Variants in MED12L observed in about 807,000 individuals in gnomAD.
The protein encoded by MED12L is mediator complex subunit 12L.
MED12L carries 60 observed loss-of-function variants against 281.3 expected under a neutral mutation model. That is an observed-to-expected ratio of 0.21 (90% CI 0.17 to 0.26). The LOEUF is 0.26. Ranked by LOEUF, MED12L falls within the 10% of genes least tolerant of loss-of-function variation. MED12L has a pLI of 1.00. For synonymous variants in MED12L, 974 were observed against 987.2 expected (o/e 0.99, Z 0.25); for missense variants, 2,146 against 2,680.9 (o/e 0.80, Z 4.41).
chr3:151,339,260 C>T (rs186282292), intron 16 of MED12L, among the ~76,000 whole-genome samples: 209 of 152,156 alleles, frequency 1.4e-3, no homozygotes, highest in African/African-American at 4.8e-3. Context: ...TTCACAGTCA[C>T]TTTTCCCCCC....
At chr3:151,318,732 TA>T (rs1046227526) in intron 16 of MED12L, among the ~76,000 whole-genome samples, 2 of 151,884 alleles carry the variant, frequency 1.3e-5, no homozygotes, top group African/African-American at 2.4e-5. Context: ...AAAGACCTTT[TA>T]AAAAAAAGAG....
Position 151,307,404 on chromosome 3 carries a change from C to G in MED12L, c.2251-42655C>G, listed in dbSNP as rs1416747769. Among the ~76,000 whole-genome samples the G allele has an allele frequency of 2.6e-5, 4 of 152,142 alleles. No individual in the cohort carries two copies. In the East Asian group the frequency reaches 7.7e-4, roughly 29 times the overall value. On this transcript the variant is annotated intron_variant, in intron 16 of 44. Transcript: ENST00000687756. ...ATGCAAAGCACAGCAGCCCTTCATT[C>G]AGGTTTTTCAGGTGCTACACTGATG...
intron 16 of MED12L, among the ~76,000 whole-genome samples, chr3:151,210,452 A>G (rs1559880553): frequency 6.6e-6 from 1 of 152,250 alleles, no homozygotes; most frequent in African/African-American, 2.4e-5. Context: ...CTCAGTGGGT[A>G]GATGTCAGTG....
At chr3:151,271,466 G>A (rs1219961139) in intron 16 of MED12L, among the ~76,000 whole-genome samples, 6 of 152,178 alleles carry the variant, frequency 3.9e-5, no homozygotes, top group Non-Finnish European at 7.4e-5. Context: ...AGTTAAACAT[G>A]TTGCTTCCTT....
chr3:151,146,403 A>G (rs903652059), intron 5 of MED12L, among the ~76,000 whole-genome samples: 5 of 152,174 alleles, frequency 3.3e-5, no homozygotes, highest in African/African-American at 1.2e-4. Flanking sequence ...TCAGGGTACA[A>G]TGGAGCACTT....
rs1447590515 is a variant in MED12L, at chr3:151,368,151, T to A, written c.3450T>A (p.Ala1150=). Residue 1150 remains alanine, a splice_region_variant and synonymous_variant, in exon 25 of 45, where the codon GCT becomes GCA. Transcript: ENST00000687756. ...GCTTTTCCAATCCCCCTTTCCTAGC[T>A]TGTGGGGATGCGGACGCCGAGCCTG... is the stretch of plus-strand genomic sequence containing the variant. ...HVALPSLLAA[A]CGDADAEPGA... is the part of the protein sequence containing the mutation. 6.2e-7 allele frequency: 1 copy of A among 1,613,638 alleles called. No homozygotes were observed. Among genetic ancestry groups the A allele is most frequent in the East Asian group, 2.2e-5 (1 of 44,884 alleles).
intron 39 of MED12L, among the ~76,000 whole-genome samples, chr3:151,402,848 G>A (rs567020791): frequency 7.9e-5 from 12 of 152,078 alleles, no homozygotes; most frequent in Non-Finnish European, 1.5e-4. Context: ...TAGTTCATAT[G>A]TATTTTGGCT....
chr3:151,127,927 T>C lies in MED12L; in HGVS notation c.499T>C (p.Tyr167His), dbSNP rs2148802688. ...TWLIKMTCAY[Y>H]SAISEAKIKK... ...GCTGATCAAGATGACTTGTGCCTAT[T>C]ATTCTGCTATATCTGAAGCTAAAAT... The change falls in exon 5 of 45, where the codon TAT becomes CAT. Residue 167 changes from tyrosine (Y) to histidine (H), a missense_variant. By Grantham distance (83) the Tyr-to-His change is moderately conservative. Coordinates refer to ENST00000687756, the MANE Select transcript of MED12L (RefSeq NM_001393769.1). The C allele has an allele frequency of 6.2e-7, 1 of 1,614,186 alleles. No homozygotes were observed. The highest frequency in any genetic ancestry group is 8.5e-7 in the Non-Finnish European group (1 of 1,179,998).
intron 4 of MED12L, among the ~76,000 whole-genome samples, chr3:151,126,827 A>G (rs904747602): frequency 3.3e-5 from 5 of 152,188 alleles, no homozygotes; most frequent in African/African-American, 1.2e-4. Context: ...CTTTATCCTT[A>G]TAACTACCCT....
chr3:151,327,747 AAAG>A (rs1261231565), intron 16 of MED12L: 23 of 336,500 alleles, frequency 6.8e-5, no homozygotes, highest in East Asian at 1.4e-4. Context: ...AAAAAAAAAA[AAAG>A]AAAGAAAGAA....
chr3:151,385,113 C>G lies in MED12L; in HGVS notation c.5010C>G (p.Ile1670Met), dbSNP rs749005824. The G allele has an allele frequency of 1.2e-6, 2 of 1,612,130 alleles. No individual in the cohort carries two copies. Among genetic ancestry groups the G allele is most frequent in the South Asian group, 1.1e-5 (1 of 90,728 alleles). ...TGCCGAAACAGACATGTGATGTCAT[C>G]ACTTGTGAACCTATGGGTTCCTTGA... ...LPLPKQTCDV[I>M]TCEPMGSLID... The change falls in exon 36 of 45, where the codon ATC (isoleucine) becomes ATG (methionine). Residue 1670 changes from isoleucine (I) to methionine (M), a missense_variant. Ile to Met is a conservative substitution (Grantham distance 10). This residue lies in a region of MED12L where 212 missense variants were observed against 340.8 expected (regional missense o/e 0.62). Transcript: ENST00000687756.
At chr3:151,218,835 C>T (rs964312775) in intron 16 of MED12L, among the ~76,000 whole-genome samples, 1 of 137,392 alleles carries the variant, frequency 7.3e-6, no homozygotes, top group Non-Finnish European at 1.5e-5. Flanking sequence ...CCATTGCACT[C>T]CAGCCTGGGT....
Position 151,350,179 on chromosome 3 carries a change from A to T in MED12L, c.2371A>T (p.Asn791Tyr). The T allele has an allele frequency of 6.2e-7, 1 of 1,613,928 alleles. No homozygotes were observed. The highest frequency in any genetic ancestry group is 1.6e-4 in the Middle Eastern group (1 of 6,062). Residue 791 changes from asparagine (N) to tyrosine (Y), a missense_variant, in exon 17 of 45, where the codon AAT becomes TAT. Asn to Tyr is a moderately radical substitution (Grantham distance 143). Transcript: ENST00000687756. ...KITKDILKIL[N>Y]KKSTTETGVG... Reference sequence around the variant, plus strand: ...TACCAAAGATATCCTGAAAATTCTAAATAAGAAGAGCACCACAGAGACAGG... The same window carrying T: ...TACCAAAGATATCCTGAAAATTCTATATAAGAAGAGCACCACAGAGACAGG...
chr3:151,113,675 G>A (rs1354657124), intron 2 of MED12L, among the ~76,000 whole-genome samples: 1 of 152,208 alleles, frequency 6.6e-6, no homozygotes, highest in Non-Finnish European at 1.5e-5. Flanking sequence ...AGAACTCAAA[G>A]CTCCCAATAA....
At position 151,190,901 on chromosome 3, in the gene MED12L, C is replaced by G; in HGVS notation, c.1938C>G (p.His646Gln). 2 of 1,614,140 alleles carry G rather than the reference C, an allele frequency of 1.2e-6. No homozygotes were observed. Among genetic ancestry groups the G allele is most frequent in the Non-Finnish European group, 1.7e-6 (2 of 1,180,018 alleles). The change falls in exon 14 of 45, where the codon CAC becomes CAG. Residue 646 changes from histidine to glutamine, a missense_variant. His to Gln is a conservative substitution (Grantham distance 24, BLOSUM62 0). Transcript: ENST00000687756. ...CAGTAGGGGAAAATGCAGATGAACA[C>G]TATTCAAAGGACCATGATGTGAAAA... ...RSPVGENADE[H>Q]YSKDHDVKME...
intron 5 of MED12L, among the ~76,000 whole-genome samples, chr3:151,135,882 G>A (rs1471916702): frequency 6.6e-6 from 1 of 152,222 alleles, no homozygotes; most frequent in Non-Finnish European, 1.5e-5. Context: ...TGCAAGATGA[G>A]CAGCCTTAAT....
Position 151,350,178 on chromosome 3 carries a change from AAAT to A in MED12L, c.2373_2375del (p.Asn791del). ...TTACCAAAGATATCCTGAAAATTCT[AAAT>A]AAGAAGAGCACCACAGAGACAGGGG... On this transcript the variant is annotated inframe_deletion, in exon 17 of 45. Coordinates refer to ENST00000687756, the MANE Select transcript of MED12L (RefSeq NM_001393769.1). 1 of 1,613,862 alleles carries A rather than the reference AAAT, an allele frequency of 6.2e-7. No individual in the cohort carries two copies. Among genetic ancestry groups the A allele is most frequent in the Non-Finnish European group, 8.5e-7 (1 of 1,179,850 alleles).
At chr3:151,242,490 C>A (rs1474412727) in intron 16 of MED12L, among the ~76,000 whole-genome samples, 1 of 152,116 alleles carries the variant, frequency 6.6e-6, no homozygotes, top group East Asian at 1.9e-4. Flanking sequence ...CTGGGAGGCA[C>A]CCCCCAGCAG....
intron 39 of MED12L, among the ~76,000 whole-genome samples, chr3:151,404,851 A>G (rs952447905): frequency 6.6e-6 from 1 of 152,204 alleles, no homozygotes; most frequent in African/African-American, 2.4e-5. Flanking sequence ...ATCCTTACTG[A>G]TTGCTAATTG....
Sources: allele counts gnomAD v4.1 joint callset (sites outside exome capture counted in the v4.1 genomes callset), GRCh38; gene constraint gnomAD v4.1.1; regional missense constraint gnomAD v4.1.1; transcripts MANE v1.5; gene names NCBI Gene and HGNC (gene_info 2026-07-23, HGNC 2026-07-21).